NTNG1: variants seen among roughly 807,000 people sequenced by gnomAD.
NTNG1 encodes the protein netrin G1.
A neutral mutation model predicts 54.0 loss-of-function variants in NTNG1; 16 were observed. That is an observed-to-expected ratio of 0.30 (90% CI 0.20 to 0.45). NTNG1 has a LOEUF of 0.45. Among genes scored for constraint, NTNG1 ranks in the 20% least tolerant of loss-of-function variants. The probability of loss-of-function intolerance (pLI) is 1.00; values close to 1 mark genes in which losing one functional copy is unlikely to be tolerated. For missense variants in NTNG1, 530 were observed against 678.7 expected (o/e 0.78, Z 2.43); for synonymous variants, 255 against 263.1 (o/e 0.97, Z 0.30).
chr1:107,420,340 G>A (rs536312790), intron 5 of NTNG1, among the ~76,000 whole-genome samples: 5 of 152,180 alleles, frequency 3.3e-5, no homozygotes, highest in African/African-American at 7.2e-5. Flanking sequence ...AAATTTTAGC[G>A]AAAGGTGCAC....
chr1:107,322,553 C>T (rs1667716498), intron 2 of NTNG1, among the ~76,000 whole-genome samples: 1 of 151,976 alleles, frequency 6.6e-6, no homozygotes, highest in Admixed American at 6.6e-5. Context: ...CATAAAAAGC[C>T]TTTGCCAGTC....
rs1666034304 is a variant in NTNG1, at chr1:107,297,246, TGCG to T, written c.247-27035_247-27033del. On this transcript the variant is annotated intron_variant, in intron 2 of 7. Coordinates refer to ENST00000370068, the MANE Select transcript of NTNG1 (RefSeq NM_001113226.3). ...ATATATATATATATATATATATATA[TGCG>T]CACACACACACACACACAGCAGTTA... Among the ~76,000 whole-genome samples the T allele has an allele frequency of 6.7e-3, 449 of 66,952 alleles. 2 individuals are homozygous for T. Among genetic ancestry groups the T allele is most frequent in the Middle Eastern group, 0.019 (2 of 106 alleles). 43.9% of individuals were successfully genotyped at this position (66,952 alleles called of 152,430 possible).
intron 5 of NTNG1, among the ~76,000 whole-genome samples, chr1:107,413,804 A>C (rs1353068414): frequency 1.3e-5 from 2 of 152,204 alleles, no homozygotes; most frequent in Non-Finnish European, 2.9e-5. Flanking sequence ...CAGAGCCAGA[A>C]TTCCAGCTCA....
intron 7 of NTNG1, among the ~76,000 whole-genome samples, chr1:107,447,908 A>G (rs920575311): frequency 2.6e-5 from 4 of 152,084 alleles, no homozygotes; most frequent in African/African-American, 9.7e-5. Flanking sequence ...TTATTCAATC[A>G]CACATTCACT....
chr1:107,215,386 A>G (rs780197246), intron 2 of NTNG1, among the ~76,000 whole-genome samples: 11 of 152,158 alleles, frequency 7.2e-5, no homozygotes, highest in Admixed American at 3.9e-4. Flanking sequence ...TTTGTTGAAT[A>G]GGGTGTCCTT....
intron 2 of NTNG1, among the ~76,000 whole-genome samples, chr1:107,161,851 CATGCTTTT>C (rs889182770): frequency 6.7e-6 from 1 of 150,362 alleles, no homozygotes; most frequent in East Asian, 1.9e-4. Flanking sequence ...CCTTCTAGTC[CATGCTTTT>C]ATGCTTTTAT....
In NTNG1 at chr1:107,254,096, C is replaced by T. The variant is rs567521918; in HGVS notation, c.247-70186C>T. 3.5e-4 allele frequency among the ~76,000 whole-genome samples: 54 copies of T among 152,318 alleles called. No individual in the cohort carries two copies. In the South Asian group the frequency reaches 0.011, roughly 31 times the overall value. On this transcript the variant is annotated intron_variant, in intron 2 of 7. Transcript: ENST00000370068. ...AAATATCTTTTAGGATTCATCACTT[C>T]TCAAAGCCCAGGGGGCTTTGTTGAC...
At chr1:107,421,141 G>C (rs780483889) in intron 5 of NTNG1, 1 of 1,603,202 alleles carries the variant, frequency 6.2e-7, no homozygotes, top group South Asian at 1.1e-5. Context: ...AACCACAAGA[G>C]AGGTAGGAAT....
At chr1:107,308,169 T>A (rs1557887051) in intron 2 of NTNG1, among the ~76,000 whole-genome samples, 1 of 152,200 alleles carries the variant, frequency 6.6e-6, no homozygotes, top group Non-Finnish European at 1.5e-5. Flanking sequence ...AGATCCTGTT[T>A]GTCAATTTTT....
At chr1:107,387,685 C>T (rs570704399) in intron 3 of NTNG1, among the ~76,000 whole-genome samples, 7 of 152,336 alleles carry the variant, frequency 4.6e-5, no homozygotes, top group African/African-American at 1.7e-4. Flanking sequence ...GGAATTGACT[C>T]TTGGCTGCCA....
intron 7 of NTNG1, among the ~76,000 whole-genome samples, chr1:107,465,692 G>T (rs1284549602): frequency 6.6e-6 from 1 of 152,156 alleles, no homozygotes; most frequent in African/African-American, 2.4e-5. Flanking sequence ...TACAGGGGCA[G>T]GCATGTGGCA....
rs1450906200 is a variant in NTNG1, at chr1:107,324,647, C to T, written c.612C>T (p.Ile204=). 1 of 1,613,656 alleles carries T rather than the reference C, an allele frequency of 6.2e-7. No individual in the cohort carries two copies. The highest frequency in any genetic ancestry group is 2.2e-5 in the East Asian group (1 of 44,812). ...KDLSQHTVLE[I]ICTEEYSTGY... is the part of the protein sequence containing the mutation. ...TATCACAGCATACGGTCTTAGAAAT[C>T]ATTTGCACAGAAGAGTACTCAACAG... Residue 204 remains isoleucine, a synonymous_variant, in exon 3 of 8, where the codon ATC becomes ATT. Coordinates refer to ENST00000370068, the MANE Select transcript of NTNG1 (RefSeq NM_001113226.3).
chr1:107,433,784 G>T lies in NTNG1; in HGVS notation c.1255+2867G>T, dbSNP rs17019043. On this transcript the variant is annotated intron_variant, in intron 6 of 7. Coordinates refer to ENST00000370068, the MANE Select transcript of NTNG1 (RefSeq NM_001113226.3). ...AGATTTCACTTACCCTGCTTGAGGC[G>T]CTGAGGACAGTGGTACTGGGGCTGC... 2.6e-5 allele frequency among the ~76,000 whole-genome samples: 4 copies of T among 152,240 alleles called. No homozygotes were observed. In the South Asian group the frequency reaches 6.2e-4, roughly 24 times the overall value.
At chr1:107,152,474 C>T (rs1654648929) in intron 2 of NTNG1, among the ~76,000 whole-genome samples, 1 of 152,190 alleles carries the variant, frequency 6.6e-6, no homozygotes, top group Admixed American at 6.5e-5. Context: ...CCGCACACCC[C>T]AGTGGCTTAA....
intron 3 of NTNG1, among the ~76,000 whole-genome samples, chr1:107,375,274 G>C (rs565988811): frequency 4.6e-5 from 7 of 152,164 alleles, no homozygotes; most frequent in African/African-American, 1.4e-4. Context: ...CTCAGCCTGC[G>C]TTCCTCCTTT....
intron 2 of NTNG1, among the ~76,000 whole-genome samples, chr1:107,261,933 A>C (rs934959692): frequency 6.6e-6 from 1 of 152,220 alleles, no homozygotes; most frequent in African/African-American, 2.4e-5. Context: ...GGTAAACACA[A>C]AGTTTGTATG....
At chr1:107,319,181 G>C (rs1158826736) in intron 2 of NTNG1, among the ~76,000 whole-genome samples, 1 of 152,146 alleles carries the variant, frequency 6.6e-6, no homozygotes, top group African/African-American at 2.4e-5. Context: ...AATAGTCTAA[G>C]TGTCTTCAGA....
intron 3 of NTNG1, among the ~76,000 whole-genome samples, chr1:107,358,010 AAAT>A (rs1426500207): frequency 6.6e-6 from 1 of 152,190 alleles, no homozygotes; most frequent in Non-Finnish European, 1.5e-5. Context: ...CTGACCACTC[AAAT>A]AATAGATCAT....
intron 2 of NTNG1, among the ~76,000 whole-genome samples, chr1:107,225,807 T>G (rs1660637514): frequency 6.6e-6 from 1 of 152,136 alleles, no homozygotes; most frequent in Admixed American, 6.6e-5. Context: ...GATATAGAAA[T>G]GAATAACCCA....
Sources: gnomAD v4.1 joint callset for allele counts (sites outside exome capture counted in the v4.1 genomes callset) on GRCh38, gnomAD v4.1.1 for gene constraint, MANE v1.5 for transcripts, NCBI Gene and HGNC (gene_info 2026-07-23, HGNC 2026-07-21) for gene names.